Variants in XKR4 observed in about 807,000 individuals in gnomAD.
XKR4 encodes XK-related protein 4.
In XKR4, 12 loss-of-function variants were observed where a neutral mutation model predicts 53.9. That is an observed-to-expected ratio of 0.22 (90% CI 0.14 to 0.36). The LOEUF is 0.36. Among genes scored for constraint, XKR4 ranks in the 10% least tolerant of loss-of-function variants. The pLI is 1.00. For missense variants in XKR4, 799 were observed against 859.5 expected (o/e 0.93, Z 0.88); for synonymous variants, 354 against 362.4 (o/e 0.98, Z 0.26).
At chr8:55,233,693 A>G (rs1172142179) in intron 1 of XKR4, among the ~76,000 whole-genome samples, 1 of 152,274 alleles carries the variant, frequency 6.6e-6, no homozygotes, top group African/African-American at 2.4e-5. Context: ...TGTGATTTTA[A>G]GGAAAATGCA....
chr8:55,497,426 C>T (rs866990650), intron 2 of XKR4, among the ~76,000 whole-genome samples: 36 of 152,244 alleles, frequency 2.4e-4, no homozygotes, highest in Admixed American at 3.9e-4. Context: ...AAAATAATAA[C>T]CAATAATTAT....
chr8:55,494,359 G>A (rs1206607856), intron 2 of XKR4, among the ~76,000 whole-genome samples: 1 of 152,264 alleles, frequency 6.6e-6, no homozygotes, highest in Non-Finnish European at 1.5e-5. Context: ...GCTCCCCAAA[G>A]AGCCACAGCT....
intron 2 of XKR4, among the ~76,000 whole-genome samples, chr8:55,415,614 G>A (rs758818684): frequency 6.6e-6 from 1 of 152,092 alleles, no homozygotes; most frequent in African/African-American, 2.4e-5. Flanking sequence ...ATTTGCAAAC[G>A]ATTAAACTCC....
At chr8:55,453,557 C>A in intron 2 of XKR4, 1 of 379,866 alleles carries the variant, frequency 2.6e-6, no homozygotes. Flanking sequence ...CATGCGGGGC[C>A]CTGAGGGCCC....
At chr8:55,398,360 G>A (rs759315111) in intron 2 of XKR4, among the ~76,000 whole-genome samples, 3 of 152,058 alleles carry the variant, frequency 2.0e-5, no homozygotes, top group African/African-American at 7.2e-5. Flanking sequence ...GAAGTTAAAG[G>A]TTCTTGTTTA....
intron 1 of XKR4, among the ~76,000 whole-genome samples, chr8:55,173,823 A>T (rs1253211888): frequency 1.3e-5 from 2 of 152,204 alleles, no homozygotes; most frequent in Non-Finnish European, 2.9e-5. Flanking sequence ...GGCACAAGGG[A>T]AGGTTATGCC....
At chr8:55,434,409 TCG>T (rs1491202938) in intron 2 of XKR4, among the ~76,000 whole-genome samples, 1 of 103,224 alleles carries the variant, frequency 9.7e-6, no homozygotes, top group East Asian at 2.7e-4. Flanking sequence ...TTGATACCAA[TCG>T]TGTGTGTGTG....
intron 2 of XKR4, among the ~76,000 whole-genome samples, chr8:55,457,440 C>T (rs1263331499): frequency 6.6e-6 from 1 of 152,202 alleles, no homozygotes; most frequent in Non-Finnish European, 1.5e-5. Flanking sequence ...CCGTGCCTGG[C>T]TTTGCTGAAT....
At chr8:55,196,924 G>T (rs772363465) in intron 1 of XKR4, among the ~76,000 whole-genome samples, 5 of 152,152 alleles carry the variant, frequency 3.3e-5, no homozygotes, top group Admixed American at 6.5e-5. Flanking sequence ...AAGAAAGGTA[G>T]CGTTGGCTCA....
intron 1 of XKR4, among the ~76,000 whole-genome samples, chr8:55,115,381 T>TACACACACAC (rs34839811): frequency 1.3e-5 from 2 of 149,612 alleles, no homozygotes; most frequent in African/African-American, 2.5e-5. Flanking sequence ...GATAGGTGCA[T>TACACACACAC]ACACACACAC....
chr8:55,440,508 T>A (rs1805249049), intron 2 of XKR4, among the ~76,000 whole-genome samples: 4 of 152,172 alleles, frequency 2.6e-5, no homozygotes, highest in Admixed American at 2.6e-4. Flanking sequence ...GCAAATATTC[T>A]GATTTAGACC....
At chr8:55,286,648 A>AT (rs1200372588) in intron 1 of XKR4, among the ~76,000 whole-genome samples, 1 of 152,166 alleles carries the variant, frequency 6.6e-6, no homozygotes, top group Non-Finnish European at 1.5e-5. Flanking sequence ...CTGGAAACAG[A>AT]TTTACATGCC....
intron 2 of XKR4, among the ~76,000 whole-genome samples, chr8:55,424,866 A>G (rs916326278): frequency 2.6e-5 from 4 of 152,234 alleles, no homozygotes; most frequent in Admixed American, 2.6e-4. Flanking sequence ...ATCACAAAGC[A>G]GTGGACCACA....
intron 1 of XKR4, among the ~76,000 whole-genome samples, chr8:55,151,589 T>C (rs922275045): frequency 2.6e-5 from 4 of 152,202 alleles, no homozygotes; most frequent in Non-Finnish European, 4.4e-5. Flanking sequence ...AACATTTATA[T>C]ATTGTTTTTT....
chr8:55,461,036 T>G (rs1354911594), intron 2 of XKR4, among the ~76,000 whole-genome samples: 1 of 152,232 alleles, frequency 6.6e-6, no homozygotes, highest in Admixed American at 6.5e-5. Flanking sequence ...CTCTGTAGGC[T>G]CCACCTCTGG....
intron 1 of XKR4, among the ~76,000 whole-genome samples, chr8:55,331,292 T>G (rs1011315485): frequency 1.1e-4 from 16 of 152,232 alleles, no homozygotes; most frequent in Non-Finnish European, 1.9e-4. Flanking sequence ...ATTTCTAGTT[T>G]TATTCCATTG....
At chr8:55,303,818 G>C (rs1365393143) in intron 1 of XKR4, among the ~76,000 whole-genome samples, 1 of 152,188 alleles carries the variant, frequency 6.6e-6, no homozygotes, top group Non-Finnish European at 1.5e-5. Flanking sequence ...ATGGTAGTTT[G>C]TATTTCTGTG....
At chr8:55,508,160 C>A (rs1806573756) in intron 2 of XKR4, among the ~76,000 whole-genome samples, 1 of 152,058 alleles carries the variant, frequency 6.6e-6, no homozygotes, top group African/African-American at 2.4e-5. Context: ...ATTGAACTTA[C>A]TTCTGTCCTA....
chr8:55,260,240 C>G (rs770582301), intron 1 of XKR4, among the ~76,000 whole-genome samples: 2 of 152,218 alleles, frequency 1.3e-5, no homozygotes, highest in Non-Finnish European at 2.9e-5. Context: ...ATCCAAAATT[C>G]TCCAGCTAGT....
Sources: gnomAD v4.1 joint callset for allele counts (sites outside exome capture counted in the v4.1 genomes callset) on GRCh38, gnomAD v4.1.1 for gene constraint, MANE v1.5 for transcripts, NCBI Gene and HGNC (gene_info 2026-07-23, HGNC 2026-07-21) for gene names.